Variants in SLC15A3 observed in about 807,000 individuals in gnomAD.
SLC15A3 encodes the protein osteoclast transporter.
Under a neutral mutation model 49.2 loss-of-function variants are expected in SLC15A3, and 39 were observed. The observed-to-expected ratio is 0.79, with a 90% confidence interval of 0.61 to 1.04. The LOEUF (loss-of-function observed/expected upper bound fraction) is 1.04. SLC15A3 is among the 50% of genes least tolerant of loss of function. SLC15A3 has a pLI of 0.00. For missense variants in SLC15A3, 758 were observed against 794.8 expected (o/e 0.95, Z 0.56); for synonymous variants, 339 against 367.0 (o/e 0.92, Z 0.87).
At chr11:60,937,419 G>A (rs759304211) in intron 7 of SLC15A3, 46 bp from the exon 8 acceptor site, 1 of 1,610,546 alleles carries the variant, frequency 6.2e-7, no homozygotes, top group South Asian at 1.1e-5. Flanking sequence ...GGGATCCTCT[G>A]TCTTGCGCCC....
intron 4 of SLC15A3, chr11:60,941,730 A>G (rs1440615792): frequency 5.4e-6 from 2 of 371,314 alleles, no homozygotes; most frequent in Admixed American, 4.2e-5. Context: ...AAGAGGGGAC[A>G]AGGAAGAGTT....
intron 4 of SLC15A3, chr11:60,941,700 G>C (rs1856710388): frequency 3.0e-6 from 1 of 338,822 alleles, no homozygotes; most frequent in African/African-American, 2.1e-5. Flanking sequence ...AGAGATCTAG[G>C]TATCTAAGGG....
chr11:60,938,994 G>A (rs543268868), intron 6 of SLC15A3, among the ~76,000 whole-genome samples: 34 of 152,328 alleles, frequency 2.2e-4, no homozygotes, highest in Non-Finnish European at 3.5e-4. Context: ...CTCCCAGCCC[G>A]GGGAAGGGGG....
chr11:60,943,507 G>A (rs1019646536), intron 3 of SLC15A3, 182 bp downstream of exon 3: 2 of 503,794 alleles, frequency 4.0e-6, no homozygotes, highest in Admixed American at 4.4e-5. Context: ...ACCACCGAGG[G>A]AGTTGGATTG....
intron 1 of SLC15A3, among the ~76,000 whole-genome samples, chr11:60,950,338 C>T (rs538591487): frequency 9.8e-5 from 15 of 152,352 alleles, no homozygotes; most frequent in Non-Finnish European, 2.9e-5. Context: ...CTCCTCGACC[C>T]TCCATGTCAC....
chr11:60,946,446 G>T, intron 2 of SLC15A3, 86 bp downstream of exon 2: 2 of 1,432,450 alleles, frequency 1.4e-6, no homozygotes, highest in Non-Finnish European at 9.4e-7. Context: ...GAACCAGAAT[G>T]TCTGCAACCT....
In SLC15A3 at chr11:60,937,333, CAGGA is replaced by C. The variant is rs1856632067; in HGVS notation, c.1628_1631del (p.Phe543CysfsTer70). On this transcript the variant is annotated frameshift_variant, in exon 8 of 8. Coordinates refer to ENST00000227880, the MANE Select transcript of SLC15A3 (RefSeq NM_016582.3). LOFTEE classifies it low-confidence loss of function (END_TRUNC). ...CCGTGACGGCCTGAATGCCAGCCAG[CAGGA>C]AGAAGTAGAGGTCCATCCGGCAATT... The C allele has an allele frequency of 6.2e-7, 1 of 1,614,128 alleles. No individual in the cohort carries two copies. Among genetic ancestry groups the C allele is most frequent in the African/African-American group, 1.3e-5 (1 of 75,040 alleles).
At chr11:60,949,503 G>GGAAAGAAAGAAAGAAAGAAAGAAA (rs1205207226) in intron 1 of SLC15A3, among the ~76,000 whole-genome samples, 1 of 64,722 alleles carries the variant, frequency 1.5e-5, no homozygotes, top group Non-Finnish European at 3.3e-5. Context: ...AAAGAAAGAA[G>GGAAAGAAAGAAAGAAAGAAAGAAA]GAAAGAAAGA....
Position 60,942,074 on chromosome 11 carries a change from G to T in SLC15A3, c.1068C>A (p.Asn356Lys), listed in dbSNP as rs1856718875. ...IPNIFPANPA[N>K]ISVALRAQGS... The stretch of plus-strand genomic sequence containing the variant: ...CCTGGGCTCTCAGGGCCACAGAGAT[G>T]TTGGCCGGGTTGGCTGGGAAAATGT... The change falls in exon 4 of 8, where the codon AAC becomes AAA. Residue 356 changes from asparagine (N) to lysine (K), a missense_variant. This residue lies in a region of SLC15A3 where 699 missense variants were observed against 706.7 expected (regional missense o/e 0.99). Coordinates refer to ENST00000227880, the MANE Select transcript of SLC15A3 (RefSeq NM_016582.3). 1 of 1,614,190 alleles carries T rather than the reference G, an allele frequency of 6.2e-7. No homozygotes were observed. The highest frequency in any genetic ancestry group is 8.5e-7 in the Non-Finnish European group (1 of 1,180,012).
chr11:60,939,954 G>T, intron 5 of SLC15A3: 1 of 284,362 alleles, frequency 3.5e-6, no homozygotes. Context: ...GAAATAACTA[G>T]CACTTTCAAG....
chr11:60,937,516 T>C (rs1445309823), intron 7 of SLC15A3, 143 bp from the exon 8 acceptor site: 2 of 1,082,312 alleles, frequency 1.8e-6, no homozygotes, highest in East Asian at 2.4e-5. Context: ...AGATACCCAC[T>C]AATGTTTGAC....
At chr11:60,948,283 T>C (rs1450743571) in intron 1 of SLC15A3, among the ~76,000 whole-genome samples, 1 of 152,160 alleles carries the variant, frequency 6.6e-6, no homozygotes, top group Non-Finnish European at 1.5e-5. Flanking sequence ...AAGCAGAAAA[T>C]TGAATAGGTC....
Position 60,951,075 on chromosome 11 carries a change from G to A in SLC15A3, c.477C>T (p.Pro159=), listed in dbSNP as rs1426034337. The change falls in exon 1 of 8, where the codon CCC becomes CCT. Residue 159 remains proline (P), a synonymous_variant. Transcript: ENST00000227880. ...GTAGCAGCAGGCCCGCGTAGAGGAC[G>A]GGCGCGCAGTAGGGGCTGGGCGAGG... ...PRSSPSPYCA[P]VLYAGLLLLG... is the part of the protein sequence containing the mutation. 1.3e-6 allele frequency: 2 copies of A among 1,487,190 alleles called. No homozygotes were observed. Among genetic ancestry groups the A allele is most frequent in the Non-Finnish European group, 1.8e-6 (2 of 1,127,970 alleles). 92.1% of individuals were successfully genotyped at this position (1,487,190 alleles called of 1,614,324 possible).
In SLC15A3 at chr11:60,951,336, C is replaced by A. The variant is rs746586945; in HGVS notation, c.216G>T (p.Ala72=). Reference sequence around the variant, plus strand: ...CCAGGAATACCAGCGCGGCGCGCGTCGCCTGCTCGCCGGTCCAGTTGAAGT... The same window carrying A: ...CCAGGAATACCAGCGCGGCGCGCGTAGCCTGCTCGCCGGTCCAGTTGAAGT... ...STNFNWTGEQ[A]TRAALVFLGA... is the part of the protein sequence containing the mutation. The change falls in exon 1 of 8, where the codon GCG becomes GCT. Residue 72 remains alanine, a synonymous_variant. Coordinates refer to ENST00000227880, the MANE Select transcript of SLC15A3 (RefSeq NM_016582.3). 6.5e-7 allele frequency: 1 copy of A among 1,539,850 alleles called. No homozygotes were observed. Among genetic ancestry groups the A allele is most frequent in the South Asian group, 1.2e-5 (1 of 82,742 alleles).
At chr11:60,949,563 A>AGAAAG (rs1554986491) in intron 1 of SLC15A3, among the ~76,000 whole-genome samples, 2 of 43,154 alleles carry the variant, frequency 4.6e-5, no homozygotes, top group Non-Finnish European at 9.7e-5. Context: ...AAAGAAAGAA[A>AGAAAG]GAAAGAAAAG....
intron 6 of SLC15A3, among the ~76,000 whole-genome samples, chr11:60,938,371 C>T (rs1252434246): frequency 6.6e-6 from 1 of 152,146 alleles, no homozygotes; most frequent in African/African-American, 2.4e-5. Context: ...TCAACGTCAT[C>T]GTCAAATTGT....
At chr11:60,941,460 G>C in intron 4 of SLC15A3, 170 bp from the exon 5 acceptor site, 1 of 599,552 alleles carries the variant, frequency 1.7e-6, no homozygotes, top group Non-Finnish European at 2.8e-6. Flanking sequence ...ATTATGTAGA[G>C]ATGGCAAATA....
chr11:60,939,398 C>T, intron 6 of SLC15A3, 82 bp downstream of exon 6: 1 of 1,535,700 alleles, frequency 6.5e-7, no homozygotes, highest in Non-Finnish European at 8.9e-7. Flanking sequence ...CTGGGGGCTG[C>T]ATCCCTGGGG....
At position 60,943,755 on chromosome 11, in the gene SLC15A3, GA is replaced by G; in HGVS notation, c.929del (p.Phe310SerfsTer5). 6.2e-7 allele frequency: 1 copy of G among 1,606,222 alleles called. No individual in the cohort carries two copies. The highest frequency in any genetic ancestry group is 8.5e-7 in the Non-Finnish European group (1 of 1,176,036). On this transcript the variant is annotated frameshift_variant, in exon 3 of 8. Coordinates refer to ENST00000227880, the MANE Select transcript of SLC15A3 (RefSeq NM_016582.3). LOFTEE classifies it high-confidence loss of function. ...GASPQEDIAN[F>X]QVLVKILPVM... ...CGGGCAAGATCTTCACCAGCACCTG[GA>G]AGTTGGCGATGTCCTCTTGCGGGGA... is the stretch of plus-strand genomic sequence containing the variant.
Sources: gnomAD v4.1 joint callset for allele counts (sites outside exome capture counted in the v4.1 genomes callset) on GRCh38, gnomAD v4.1.1 for gene constraint, gnomAD v4.1.1 regional missense constraint, MANE v1.5 for transcripts, NCBI Gene and HGNC (gene_info 2026-07-23, HGNC 2026-07-21) for gene names.